ATRNL1: variants seen among roughly 807,000 people sequenced by gnomAD.
ATRNL1 encodes attractin like 1, also known as attractin-like protein 1.
In ATRNL1, 95 loss-of-function variants were observed where a neutral mutation model predicts 182.7. That is an observed-to-expected ratio of 0.52 (90% CI 0.44 to 0.62). ATRNL1 has a LOEUF of 0.62. Among genes scored for constraint, ATRNL1 ranks in the 20% least tolerant of loss-of-function variants. The pLI is 0.00. For missense variants in ATRNL1, 1,471 were observed against 1,679.5 expected (o/e 0.88, Z 2.17); for synonymous variants, 576 against 568.3 (o/e 1.01, Z -0.19).
At chr10:115,325,975 T>C (rs1554933056) in intron 18 of ATRNL1, among the ~76,000 whole-genome samples, 1 of 152,152 alleles carries the variant, frequency 6.6e-6, no homozygotes, top group African/African-American at 2.4e-5. Context: ...CTTTAAATCT[T>C]CTGGTAAGTC....
At chr10:115,921,019 C>T (rs942444807) in intron 28 of ATRNL1, among the ~76,000 whole-genome samples, 56 of 152,156 alleles carry the variant, frequency 3.7e-4, no homozygotes, top group Non-Finnish European at 7.2e-4. Context: ...TTCCCTTCTA[C>T]AGTATCAAAT....
chr10:115,884,735 A>G (rs1024056858), intron 28 of ATRNL1, among the ~76,000 whole-genome samples: 1 of 152,236 alleles, frequency 6.6e-6, no homozygotes, highest in African/African-American at 2.4e-5. Flanking sequence ...TTAGCTACGC[A>G]TCACATGTAC....
intron 26 of ATRNL1, among the ~76,000 whole-genome samples, chr10:115,690,125 C>G (rs952207672): frequency 6.6e-6 from 1 of 152,066 alleles, no homozygotes; most frequent in Non-Finnish European, 1.5e-5. Flanking sequence ...AGGTCTTGGC[C>G]TCTGAAAAGC....
chr10:115,495,947 G>A (rs1554978123), intron 24 of ATRNL1, among the ~76,000 whole-genome samples: 1 of 152,032 alleles, frequency 6.6e-6, no homozygotes, highest in African/African-American at 2.4e-5. Flanking sequence ...ATTATTGTGT[G>A]GTTATGTACA....
intron 24 of ATRNL1, among the ~76,000 whole-genome samples, chr10:115,512,178 A>G (rs1358427972): frequency 6.6e-6 from 1 of 151,942 alleles, no homozygotes; most frequent in African/African-American, 2.4e-5. Flanking sequence ...AATCTTCCTA[A>G]TTAGAACATA....
intron 28 of ATRNL1, among the ~76,000 whole-genome samples, chr10:115,930,384 C>A (rs1953359282): frequency 6.6e-6 from 1 of 152,072 alleles, no homozygotes; most frequent in Non-Finnish European, 1.5e-5. Context: ...GTCATACATC[C>A]CATAAACTTC....
chr10:115,772,973 A>G (rs971006998), intron 27 of ATRNL1, among the ~76,000 whole-genome samples: 11 of 152,174 alleles, frequency 7.2e-5, no homozygotes, highest in African/African-American at 2.2e-4. Flanking sequence ...AACCACAGCC[A>G]ATAGGCGGTT....
intron 10 of ATRNL1, among the ~76,000 whole-genome samples, chr10:115,250,976 G>A (rs1554905248): frequency 1.3e-5 from 2 of 152,138 alleles, no homozygotes; most frequent in African/African-American, 2.4e-5. Flanking sequence ...AAAGTGTGAA[G>A]GTATACTAGT....
At position 115,250,340 on chromosome 10, in the gene ATRNL1, T is replaced by C. The variant is rs150472650; in HGVS notation, c.1687+8615T>C. On this transcript the variant is annotated intron_variant, in intron 10 of 28. Transcript: ENST00000355044. ...GAGGTATATAACTTTCCACCACAGATGGTATGGCCTTTGACATGTGTGTGA... is the reference window on the plus strand; with the variant it reads ...GAGGTATATAACTTTCCACCACAGACGGTATGGCCTTTGACATGTGTGTGA... Among the ~76,000 whole-genome samples, 1,008 of 152,346 alleles carry C rather than the reference T, an allele frequency of 6.6e-3. 11 individuals are homozygous for C. The highest frequency in any genetic ancestry group is 0.023 in the African/African-American group (953 of 41,582).
chr10:115,171,381 G>T, intron 8 of ATRNL1, 89 bp downstream of exon 8: 1 of 1,166,808 alleles, frequency 8.6e-7, no homozygotes, highest in Non-Finnish European at 1.2e-6. Flanking sequence ...TCAAAATGGT[G>T]AGTTATTTGA....
chr10:115,877,710 A>G (rs985693407), intron 28 of ATRNL1, among the ~76,000 whole-genome samples: 8 of 152,276 alleles, frequency 5.3e-5, no homozygotes, highest in Non-Finnish European at 8.8e-5. Flanking sequence ...AGCAAATTTT[A>G]CAATTAATTT....
intron 19 of ATRNL1, among the ~76,000 whole-genome samples, chr10:115,387,984 A>C (rs1843755016): frequency 6.6e-6 from 1 of 152,160 alleles, no homozygotes; most frequent in Non-Finnish European, 1.5e-5. Flanking sequence ...TGTGTGATTA[A>C]GTGTTGTTAC....
chr10:115,525,412 A>G (rs939292400), intron 25 of ATRNL1, among the ~76,000 whole-genome samples: 2 of 152,162 alleles, frequency 1.3e-5, no homozygotes, highest in Admixed American at 6.5e-5. Flanking sequence ...TTTTATGGCA[A>G]TTAACAAACC....
chr10:115,357,990 A>G (rs532842063), intron 19 of ATRNL1, among the ~76,000 whole-genome samples: 32 of 151,710 alleles, frequency 2.1e-4, no homozygotes, highest in African/African-American at 6.0e-4. Flanking sequence ...CTGCCAGTAT[A>G]TTCAATTCCA....
chr10:115,885,067 G>A (rs1951911240), intron 28 of ATRNL1, among the ~76,000 whole-genome samples: 1 of 152,080 alleles, frequency 6.6e-6, no homozygotes, highest in East Asian at 1.9e-4. Flanking sequence ...AAATTACCAG[G>A]TACTTATCCC....
intron 5 of ATRNL1, among the ~76,000 whole-genome samples, chr10:115,140,227 T>C (rs868942603): frequency 1.4e-4 from 21 of 152,192 alleles, no homozygotes; most frequent in Admixed American, 4.6e-4. Flanking sequence ...ATAGGGAATT[T>C]AACTTTTCTG....
intron 28 of ATRNL1, among the ~76,000 whole-genome samples, chr10:115,878,425 C>T (rs1320272723): frequency 6.6e-6 from 1 of 152,206 alleles, no homozygotes; most frequent in Non-Finnish European, 1.5e-5. Context: ...CAAGAAGCCT[C>T]AATATGCTTA....
At chr10:115,756,516 A>G (rs1054374919) in intron 27 of ATRNL1, among the ~76,000 whole-genome samples, 1 of 152,054 alleles carries the variant, frequency 6.6e-6, no homozygotes, top group Non-Finnish European at 1.5e-5. Flanking sequence ...TGATTGCACT[A>G]TGGTCTCAGA....
chr10:115,331,065 AT>A (rs60838080), intron 18 of ATRNL1, among the ~76,000 whole-genome samples: 140,282 of 146,262 alleles, frequency 0.96, 67,274 homozygotes, highest in East Asian at 1. Context: ...CCTTTATTGC[AT>A]TTTTTTTTTT....
Sources: gnomAD v4.1 joint callset for allele counts (sites outside exome capture counted in the v4.1 genomes callset) on GRCh38, gnomAD v4.1.1 for gene constraint, MANE v1.5 for transcripts, NCBI Gene and HGNC (gene_info 2026-07-23, HGNC 2026-07-21) for gene names.